Variants in RTKN2 observed in about 807,000 individuals in gnomAD.
RTKN2 encodes rhotekin-2.
In RTKN2, 69 loss-of-function variants were observed where a neutral mutation model predicts 71.5. That is an observed-to-expected ratio of 0.96 (90% CI 0.79 to 1.18). The LOEUF (loss-of-function observed/expected upper bound fraction) is 1.18, where lower values mean the gene tolerates loss of function less well. Ranked by LOEUF, RTKN2 falls within the 50% of genes most tolerant of loss-of-function variation. The pLI is 0.00. For synonymous variants in RTKN2, 236 were observed against 236.5 expected (o/e 1.00, Z 0.02); for missense variants, 724 against 719.7 (o/e 1.01, Z -0.07).
rs750463599 is a variant in RTKN2, at chr10:62,194,041, T to A, written c.*3867A>T. On this transcript the variant is annotated 3_prime_UTR_variant, in exon 12 of 12. Coordinates refer to ENST00000373789, the MANE Select transcript of RTKN2 (RefSeq NM_145307.4). ...TTAATGTACAGAAGTTTCAATTACA[T>A]GACTTGGGCTCGCTTACCAAATACC... The A allele has an allele frequency of 4.1e-6, 4 of 983,128 alleles. No individual in the cohort carries two copies. The highest frequency in any genetic ancestry group is 3.5e-5 in the African/African-American group (2 of 57,204). The allele number at this position is 983,128 out of a possible 1,614,324, so 60.9% of individuals were successfully genotyped here. A position where few individuals can be genotyped will look rare whatever the true frequency, so the allele number is the denominator to read the frequency against.
intron 7 of RTKN2, among the ~76,000 whole-genome samples, chr10:62,219,001 CA>C (rs1319863808): frequency 1.3e-5 from 2 of 152,036 alleles, no homozygotes; most frequent in African/African-American, 4.8e-5. Flanking sequence ...CAAAGCAAAA[CA>C]AAAACAAAAA....
chr10:62,240,408 C>A (rs1842351019), intron 4 of RTKN2, among the ~76,000 whole-genome samples: 1 of 152,136 alleles, frequency 6.6e-6, no homozygotes, highest in East Asian at 1.9e-4. Context: ...AACTTACTCT[C>A]TTTAGTAATC....
In RTKN2 at chr10:62,217,236, C is replaced by A. The variant is rs1841791369; in HGVS notation, c.902G>T (p.Gly301Val). 2.6e-6 allele frequency: 4 copies of A among 1,538,756 alleles called. No individual in the cohort carries two copies. The highest frequency in any genetic ancestry group is 2.6e-6 in the Non-Finnish European group (3 of 1,152,252). Residue 301 changes from glycine to valine, a missense_variant, in exon 9 of 12, where the codon GGT (glycine) becomes GTT (valine). By Grantham distance (109) the Gly-to-Val change is moderately radical. Transcript: ENST00000373789. ...GFLNQQQMVE[G>V]LISWRRLYCV... Reference sequence around the variant, plus strand: ...ATACAACCTTCTCCAACTAATCAGACCTTCTACCATTTGCTGAAAAAAAAA... The same window carrying A: ...ATACAACCTTCTCCAACTAATCAGAACTTCTACCATTTGCTGAAAAAAAAA...
At chr10:62,237,080 T>C (rs1238697121) in intron 5 of RTKN2, among the ~76,000 whole-genome samples, 1 of 151,954 alleles carries the variant, frequency 6.6e-6, no homozygotes, top group Non-Finnish European at 1.5e-5. Context: ...TGAATGTTAA[T>C]CAAATCATGT....
Position 62,194,797 on chromosome 10 carries a change from C to A in RTKN2, c.*3111G>T. 15 of 985,096 alleles carry A rather than the reference C, an allele frequency of 1.5e-5. No individual in the cohort carries two copies. Among genetic ancestry groups the A allele is most frequent in the Non-Finnish European group, 1.8e-5 (15 of 829,670 alleles). The allele number at this position is 985,096 out of a possible 1,614,324, so 61.0% of individuals were successfully genotyped here. ...GGTATCTCTAATTCAAGACAGCTTC[C>A]ATTTTTAATAAATAGTAGCAGGTAA... On this transcript the variant is annotated 3_prime_UTR_variant, in exon 12 of 12. Transcript: ENST00000373789.
At chr10:62,239,404 A>G (rs1482790646) in intron 5 of RTKN2, 5 of 287,562 alleles carry the variant, frequency 1.7e-5, no homozygotes, top group Admixed American at 5.0e-5. Flanking sequence ...GTCATATCTA[A>G]TAAGTCAAAT....
chr10:62,204,063 T>C (rs904496052), intron 10 of RTKN2, among the ~76,000 whole-genome samples: 1 of 152,178 alleles, frequency 6.6e-6, no homozygotes, highest in African/African-American at 2.4e-5. Context: ...TAATTTTCCT[T>C]TTTTGGAAAT....
At chr10:62,240,022 C>G (rs1345998679) in intron 4 of RTKN2, among the ~76,000 whole-genome samples, 1 of 152,114 alleles carries the variant, frequency 6.6e-6, no homozygotes, top group East Asian at 1.9e-4. Context: ...AACCACCAAA[C>G]TCATAAATTT....
At chr10:62,259,664 G>A (rs1033515217) in intron 2 of RTKN2, among the ~76,000 whole-genome samples, 2 of 152,026 alleles carry the variant, frequency 1.3e-5, no homozygotes, top group South Asian at 2.1e-4. Flanking sequence ...CAATCCTCCC[G>A]CCTCAGTCTC....
downstream of RTKN2, among the ~76,000 whole-genome samples, chr10:62,191,938 T>C (rs1270015664): frequency 1.3e-5 from 2 of 152,100 alleles, no homozygotes; most frequent in African/African-American, 4.8e-5. Flanking sequence ...CATACACGTG[T>C]TACATACTAT....
Position 62,217,098 on chromosome 10 carries a change from C to A in RTKN2, c.1020+20G>T. On this transcript the variant is annotated intron_variant, in intron 9 of 11. Transcript: ENST00000373789. ...CTTCCTAAGATGTATATTTTTTTCT[C>A]AAAATAGCATTTCCTTTACCTTGTT... The A allele has an allele frequency of 6.5e-7, 1 of 1,538,416 alleles. No homozygotes were observed. The highest frequency in any genetic ancestry group is 8.7e-7 in the Non-Finnish European group (1 of 1,147,742).
At chr10:62,202,351 C>T (rs1361137433) in intron 10 of RTKN2, among the ~76,000 whole-genome samples, 1 of 152,116 alleles carries the variant, frequency 6.6e-6, no homozygotes, top group Admixed American at 6.6e-5. Context: ...AATTTGCTCT[C>T]AATATTAAAT....
intron 1 of RTKN2, among the ~76,000 whole-genome samples, chr10:62,266,129 G>A (rs1160156795): frequency 1.3e-5 from 2 of 152,160 alleles, no homozygotes; most frequent in East Asian, 1.9e-4. Context: ...CTGTCCTGAC[G>A]CTATAAGTAG....
At chr10:62,211,096 A>T (rs1331801371) in intron 9 of RTKN2, among the ~76,000 whole-genome samples, 1 of 152,180 alleles carries the variant, frequency 6.6e-6, no homozygotes, top group African/African-American at 2.4e-5. Context: ...GATCTCAAAG[A>T]CTCACACTTT....
chr10:62,222,784 T>C (rs1354313755), intron 7 of RTKN2, among the ~76,000 whole-genome samples: 1 of 152,206 alleles, frequency 6.6e-6, no homozygotes, highest in African/African-American at 2.4e-5. Context: ...GGATAAACTA[T>C]AACTACCACT....
intron 10 of RTKN2, among the ~76,000 whole-genome samples, chr10:62,202,919 G>C (rs1040962854): frequency 2.0e-5 from 3 of 152,166 alleles, no homozygotes; most frequent in African/African-American, 7.2e-5. Flanking sequence ...CCAGCACTTT[G>C]GGGGGCTGAG....
chr10:62,240,896 C>G (rs1842360031), intron 4 of RTKN2, among the ~76,000 whole-genome samples: 1 of 152,114 alleles, frequency 6.6e-6, no homozygotes, highest in South Asian at 2.1e-4. Flanking sequence ...CACTCTGAAC[C>G]CGGTACTTAC....
rs1841315507 is a variant in RTKN2, at chr10:62,195,678, A to G, written c.*2230T>C. Reference sequence around the variant, plus strand: ...AGGAAGGAAGGAAGGAAGGAAACCAACTCTGTATTATAACTACACTCCTTA... The same window carrying G: ...AGGAAGGAAGGAAGGAAGGAAACCAGCTCTGTATTATAACTACACTCCTTA... On this transcript the variant is annotated 3_prime_UTR_variant, in exon 12 of 12. Transcript: ENST00000373789. The G allele has an allele frequency of 1.0e-6, 1 of 968,480 alleles. No homozygotes were observed. Among genetic ancestry groups the G allele is most frequent in the African/African-American group, 1.8e-5 (1 of 55,816 alleles). 60.0% of individuals were successfully genotyped at this position (968,480 alleles called of 1,614,324 possible). A position where few individuals can be genotyped will look rare whatever the true frequency, so the allele number is the denominator to read the frequency against.
chr10:62,245,585 G>A (rs1215507359), intron 3 of RTKN2, among the ~76,000 whole-genome samples: 1 of 152,038 alleles, frequency 6.6e-6, no homozygotes, highest in Non-Finnish European at 1.5e-5. Context: ...GTAAAGTGAT[G>A]ACCAAAATAA....
Sources: allele counts gnomAD v4.1 joint callset (sites outside exome capture counted in the v4.1 genomes callset), GRCh38; gene constraint gnomAD v4.1.1; transcripts MANE v1.5; gene names NCBI Gene and HGNC (gene_info 2026-07-23, HGNC 2026-07-21).